CAPN1: variants seen among roughly 807,000 people sequenced by gnomAD.
CAPN1 encodes calpain-1 catalytic subunit.
A neutral mutation model predicts 105.2 loss-of-function variants in CAPN1; 77 were observed. The ratio of observed to expected loss-of-function variants is 0.73; its 90% CI spans 0.61 to 0.88. The LOEUF is 0.88. CAPN1 is among the 40% of genes least tolerant of loss of function. The pLI, the probability that CAPN1 is intolerant of heterozygous loss-of-function variation, is 0.00. For synonymous variants in CAPN1, 355 were observed against 388.8 expected (o/e 0.91, Z 1.02); for missense variants, 833 against 976.6 (o/e 0.85, Z 1.96).
chr11:65,182,532 G>A, intron 1 of CAPN1, 169 bp from the exon 2 acceptor site: 1 of 641,330 alleles, frequency 1.6e-6, no homozygotes, highest in Non-Finnish European at 2.5e-6. Flanking sequence ...TTCACTGGGA[G>A]CACCGGGAGG....
At chr11:65,186,818 G>C (rs1199588087) in intron 6 of CAPN1, among the ~76,000 whole-genome samples, 1 of 152,130 alleles carries the variant, frequency 6.6e-6, no homozygotes, top group East Asian at 1.9e-4. Context: ...TCTAACCCCA[G>C]CTCCCATTCC....
At chr11:65,185,827 A>G in intron 4 of CAPN1, 90 bp from the exon 5 acceptor site, 1 of 1,359,472 alleles carries the variant, frequency 7.4e-7, no homozygotes, top group Non-Finnish European at 1.0e-6. Flanking sequence ...TCTGGGATGT[A>G]GAATCCTGCA....
chr11:65,186,337 A>G lies in CAPN1; in HGVS notation c.758A>G (p.Asp253Gly). ...GGCTCCCTGCTGGGCTGCTCCATAG[A>G]CGTGAGTGTGCCCGGCCCCGATGCT... ...ERGSLLGCSIDISSVLDMEAI... is the reference protein window; with the variant it reads ...ERGSLLGCSIGISSVLDMEAI... The change falls in exon 6 of 22, where the codon GAC becomes GGC. Residue 253 changes from aspartate to glycine, a missense_variant and splice_region_variant. Transcript: ENST00000279247. 6.2e-7 allele frequency: 1 copy of G among 1,609,548 alleles called. No homozygotes were observed. The highest frequency in any genetic ancestry group is 8.5e-7 in the Non-Finnish European group (1 of 1,177,634).
rs373198011 is a variant in CAPN1 at position 65,190,660 on chromosome 11, A to G, written c.1165+1914A>G. 4.7e-4 allele frequency among the ~76,000 whole-genome samples: 72 copies of G among 152,114 alleles called. No individual in the cohort carries two copies. The East Asian group carries it at 8.5e-3, about 18-fold the overall frequency. ...GTAAGTCCTGCTGTTGGACAGGGCA[A>G]ATTCCTTCTTCAAGAGTCTCTTAGC... On this transcript the variant is annotated intron_variant, in intron 10 of 21. Coordinates refer to ENST00000279247, the MANE Select transcript of CAPN1 (RefSeq NM_005186.4).
chr11:65,188,481 G>A lies in CAPN1; in HGVS notation c.997G>A (p.Glu333Lys), dbSNP rs1948670869. ...GCTCCGGGTCAAGATGGAGGACGGG[G>A]AGTTCTGGTGAGCGCCCCCTCCCCT... ...DQLRVKMEDGEFWMSFRDFMR... is the reference protein window; with the variant it reads ...DQLRVKMEDGKFWMSFRDFMR... Residue 333 changes from glutamate to lysine, a missense_variant, in exon 9 of 22, where the codon GAG becomes AAG. Transcript: ENST00000279247. This position sits in a 1 kb window ranked among gnomAD's most constrained non-coding sequence, Gnocchi z 5.5. 1 of 1,613,002 alleles carries A rather than the reference G, an allele frequency of 6.2e-7. No individual in the cohort carries two copies. The highest frequency in any genetic ancestry group is 8.5e-7 in the Non-Finnish European group (1 of 1,179,442).
chr11:65,191,818 T>C (rs573580620), intron 10 of CAPN1, among the ~76,000 whole-genome samples: 1 of 152,172 alleles, frequency 6.6e-6, no homozygotes, highest in Non-Finnish European at 1.5e-5. Flanking sequence ...TGTTCCTCCC[T>C]TTTTTTTATT....
At chr11:65,195,198 C>T (rs1048322946) in intron 10 of CAPN1, among the ~76,000 whole-genome samples, 6 of 150,340 alleles carry the variant, frequency 4.0e-5, no homozygotes, top group African/African-American at 1.5e-4. Flanking sequence ...CAACCTCTGC[C>T]TCCCAGGTTC....
intron 10 of CAPN1, among the ~76,000 whole-genome samples, chr11:65,189,703 A>G (rs1948692260): frequency 6.6e-6 from 1 of 152,140 alleles, no homozygotes; most frequent in South Asian, 2.1e-4. Context: ...CACAAAACCC[A>G]TCTCCACTGG....
At position 65,206,516 on chromosome 11, in the gene CAPN1, G is replaced by C. The variant is rs745365536; in HGVS notation, c.1407G>C (p.Ala469=). 1.9e-6 allele frequency: 3 copies of C among 1,613,334 alleles called. No homozygotes were observed. Among genetic ancestry groups the C allele is most frequent in the South Asian group, 1.1e-5 (1 of 91,094 alleles). Residue 469 remains alanine, a synonymous_variant, in exon 13 of 22, where the codon GCG becomes GCC. Coordinates refer to ENST00000279247, the MANE Select transcript of CAPN1 (RefSeq NM_005186.4). ...AGCGTGACTTCTTCCTGGCCAATGC[G>C]TCTCGGGCGCGCTCAGAGCAGTTCA... is the stretch of plus-strand genomic sequence containing the variant. ...HLKRDFFLAN[A]SRARSEQFIN...
chr11:65,189,192 T>C lies in CAPN1; in HGVS notation c.1165+446T>C, dbSNP rs193217012. On this transcript the variant is annotated intron_variant, in intron 10 of 21. Coordinates refer to ENST00000279247, the MANE Select transcript of CAPN1 (RefSeq NM_005186.4). ...GCACCTACCATACCCAGCTAATTTTTGTATTTTTAGTAGAGGCAGGGTTTC... is the reference window on the plus strand; with the variant it reads ...GCACCTACCATACCCAGCTAATTTTCGTATTTTTAGTAGAGGCAGGGTTTC... Among the ~76,000 whole-genome samples, 23 of 152,320 alleles carry C rather than the reference T, an allele frequency of 1.5e-4. 1 individual carries two copies. Among genetic ancestry groups the C allele is most frequent in the Admixed American group, 1.2e-3 (18 of 15,302 alleles).
chr11:65,201,740 G>A (rs1360246916), intron 10 of CAPN1, among the ~76,000 whole-genome samples: 2 of 151,384 alleles, frequency 1.3e-5, no homozygotes, highest in Non-Finnish European at 1.5e-5. Context: ...GGATGGTCTC[G>A]ATCTCCTGAC....
chr11:65,193,473 G>T (rs1478376023), intron 10 of CAPN1, among the ~76,000 whole-genome samples: 1 of 151,050 alleles, frequency 6.6e-6, no homozygotes, highest in Non-Finnish European at 1.5e-5. Flanking sequence ...GTGAAACCCC[G>T]TCTCTACTAA....
In CAPN1 at chr11:65,187,318, CT is replaced by C; in HGVS notation, c.843+22del. On this transcript the variant is annotated intron_variant, in intron 7 of 21. Coordinates refer to ENST00000279247, the MANE Select transcript of CAPN1 (RefSeq NM_005186.4). ...AAGCAGGTACTGCCCTGGGTGGGGC[CT>C]TCCCTGAAGGGCGGTTCCTGCCCCC... 1 of 1,584,028 alleles carries C rather than the reference CT, an allele frequency of 6.3e-7. No homozygotes were observed. Among genetic ancestry groups the C allele is most frequent in the Non-Finnish European group, 8.7e-7 (1 of 1,155,864 alleles).
chr11:65,202,388 A>G (rs1359055646), intron 10 of CAPN1, among the ~76,000 whole-genome samples: 2 of 152,170 alleles, frequency 1.3e-5, no homozygotes, highest in Non-Finnish European at 2.9e-5. Context: ...ATACTATTAA[A>G]TATACAATTT....
In CAPN1 at chr11:65,211,714, C is replaced by T. The variant is rs951172554; in HGVS notation, c.*428C>T. 2.3e-5 allele frequency: 4 copies of T among 177,054 alleles called. No individual in the cohort carries two copies. Among genetic ancestry groups the T allele is most frequent in the Middle Eastern group, 2.6e-3 (1 of 390 alleles). The allele number at this position is 177,054 out of a possible 1,614,324, so 11.0% of individuals were successfully genotyped here. On this transcript the variant is annotated 3_prime_UTR_variant, in exon 22 of 22. Coordinates refer to ENST00000279247, the MANE Select transcript of CAPN1 (RefSeq NM_005186.4). ...AGTCTGCAGTCCAGGCGTGTGGAGC[C>T]GCCTCCCGGCTCGGGGAGGCCCCGG...
chr11:65,200,428 T>A (rs1948851592), intron 10 of CAPN1, among the ~76,000 whole-genome samples: 1 of 151,990 alleles, frequency 6.6e-6, no homozygotes, highest in Non-Finnish European at 1.5e-5. Flanking sequence ...CACTGCAACC[T>A]CTGCTCCCCA....
upstream of CAPN1, chr11:65,181,469 G>A (rs560080713): frequency 2.1e-3 from 487 of 228,766 alleles, 3 homozygotes; most frequent in African/African-American, 0.011. This position sits in a 1 kb window ranked among gnomAD's most constrained non-coding sequence, Gnocchi z 4.6. Context: ...GCGGTCGCGC[G>A]GAGCGAGGGG....
intron 10 of CAPN1, among the ~76,000 whole-genome samples, chr11:65,199,782 C>T (rs1232594163): frequency 1.3e-5 from 2 of 152,158 alleles, no homozygotes; most frequent in African/African-American, 4.8e-5. Context: ...CAAATCTGTT[C>T]ATTTTTGCTC....
chr11:65,211,024 TG>T (rs886767537), intron 21 of CAPN1, 152 bp downstream of exon 21: 2 of 777,698 alleles, frequency 2.6e-6, no homozygotes, highest in Admixed American at 2.3e-5. Context: ...AAGGCTGGGG[TG>T]GGGGTGTCTG....
Sources: gnomAD v4.1 joint callset for allele counts (sites outside exome capture counted in the v4.1 genomes callset) on GRCh38, gnomAD v4.1.1 for gene constraint, Gnocchi (gnomAD v3.1) non-coding constraint, MANE v1.5 for transcripts, NCBI Gene and HGNC (gene_info 2026-07-23, HGNC 2026-07-21) for gene names.